The following BAZ1B variants were observed in gnomAD, a reference collection of about 807,000 sequenced individuals.
The protein encoded by BAZ1B is bromodomain adjacent to zinc finger domain 1B.
In BAZ1B, 22 loss-of-function variants were observed where a neutral mutation model predicts 153.8. The ratio of observed to expected loss-of-function variants is 0.14; its 90% CI spans 0.10 to 0.20. The LOEUF (loss-of-function observed/expected upper bound fraction) is 0.20, where lower values mean the gene tolerates loss of function less well. Among genes scored for constraint, BAZ1B ranks in the 10% least tolerant of loss-of-function variants. The pLI is 1.00. For missense variants in BAZ1B, 1,325 were observed against 1,799.3 expected (o/e 0.74, Z 4.77); for synonymous variants, 676 against 633.4 (o/e 1.07, Z -1.01).
rs782410311 is a variant in BAZ1B at position 73,477,698 on chromosome 7, T to C, written c.1763A>G (p.Lys588Arg). ...KRYEDQELTGKNLPAFRLVDT... is the reference protein window; with the variant it reads ...KRYEDQELTGRNLPAFRLVDT... ...CACCAATCTGAATGCTGGAAGGTTT[T>C]TGCCAGTTAACTCTTGGTCCTCATA... The change falls in exon 7 of 20, where the codon AAA (lysine) becomes AGA (arginine). Residue 588 changes from lysine to arginine, a missense_variant. Lys to Arg is a conservative substitution (Grantham distance 26). Around this residue, in one of 9 missense-constraint regions of BAZ1B, gnomAD observed 154 missense variants for 266.3 expected, o/e 0.58. Coordinates refer to ENST00000339594, the MANE Select transcript of BAZ1B (RefSeq NM_032408.4). This position sits in a 1 kb window ranked among gnomAD's most constrained non-coding sequence, Gnocchi z 5.6. 5.0e-6 allele frequency: 8 copies of C among 1,614,242 alleles called. No individual in the cohort carries two copies. The Admixed American group carries it at 5.0e-5, about 10-fold the overall frequency.
At chr7:73,514,541 A>C (rs1790714674) in intron 1 of BAZ1B, among the ~76,000 whole-genome samples, 1 of 152,012 alleles carries the variant, frequency 6.6e-6, no homozygotes, top group Non-Finnish European at 1.5e-5. Context: ...CTCAAAAAAA[A>C]AAAAAAAAAC....
chr7:73,497,678 TGA>T (rs1280333485), intron 4 of BAZ1B, among the ~76,000 whole-genome samples: 6 of 151,878 alleles, frequency 4.0e-5, no homozygotes, highest in Non-Finnish European at 8.8e-5. Flanking sequence ...GAAAAAATAT[TGA>T]GAGATGGGTT....
rs782266254 is a variant in BAZ1B, at chr7:73,478,498, G to A, written c.963C>T (p.Ser321=). Residue 321 remains serine, a synonymous_variant, in exon 7 of 20, where the codon TCC becomes TCT. Transcript: ENST00000339594. The part of the protein sequence containing the change: ...GSPDRKPSKK[S]KTDNSSLSSP... ...AACTAAGAGAAGAGTTGTCTGTCTT[G>A]GATTTCTTTGAGGGCTTCCTGTCTG... 2.5e-6 allele frequency: 4 copies of A among 1,601,524 alleles called. No homozygotes were observed. Among genetic ancestry groups the A allele is most frequent in the Admixed American group, 1.7e-5 (1 of 57,510 alleles).
intron 4 of BAZ1B, among the ~76,000 whole-genome samples, chr7:73,495,009 C>T (rs1431896068): frequency 2.6e-5 from 4 of 152,154 alleles, no homozygotes; most frequent in Non-Finnish European, 4.4e-5. Flanking sequence ...AGGGGCCAGG[C>T]GTGGTGACTC....
At chr7:73,509,630 A>T (rs2116453065) in intron 2 of BAZ1B, among the ~76,000 whole-genome samples, 1 of 151,564 alleles carries the variant, frequency 6.6e-6, no homozygotes, top group South Asian at 2.1e-4. Context: ...CTGAGGCAAG[A>T]GGCTGGCTTG....
chr7:73,497,965 G>A (rs1554576592), intron 4 of BAZ1B, among the ~76,000 whole-genome samples: 2 of 149,504 alleles, frequency 1.3e-5, no homozygotes, highest in African/African-American at 2.5e-5. Flanking sequence ...TTTTTTTTGA[G>A]ATGGAGTTTT....
At chr7:73,484,312 TAGACAGACAGAC>T (rs1158399182) in intron 6 of BAZ1B, among the ~76,000 whole-genome samples, 127 of 149,256 alleles carry the variant, frequency 8.5e-4, no homozygotes, top group African/African-American at 2.6e-3. Flanking sequence ...GATAGATAGA[TAGACAGACAGAC>T]AGACAGACAG....
At chr7:73,518,274 G>A (rs1434067114) in intron 1 of BAZ1B, among the ~76,000 whole-genome samples, 8 of 151,302 alleles carry the variant, frequency 5.3e-5, no homozygotes, top group East Asian at 1.9e-4. Flanking sequence ...TTAGCCAGGC[G>A]TGGTGGCGGG....
At position 73,489,249 on chromosome 7, in the gene BAZ1B, A is replaced by G. The variant is rs1554575008; in HGVS notation, c.836T>C (p.Val279Ala). ...NAPWVVEDELVKKYSLPSKFS... is the reference protein window; with the variant it reads ...NAPWVVEDELAKKYSLPSKFS... ...CTTGCTGGGCAGAGAGTATTTCTTC[A>G]CCAATTCATCTTCTACGACCCAAGG... is the stretch of plus-strand genomic sequence containing the variant. The change falls in exon 6 of 20, where the codon GTG becomes GCG. Residue 279 changes from valine (V) to alanine (A), a missense_variant. Val to Ala is a moderately conservative substitution (Grantham distance 64). Around this residue, in one of 9 missense-constraint regions of BAZ1B, gnomAD observed 219 missense variants for 248.2 expected, o/e 0.88. Coordinates refer to ENST00000339594, the MANE Select transcript of BAZ1B (RefSeq NM_032408.4). 1 of 1,614,178 alleles carries G rather than the reference A, an allele frequency of 6.2e-7. No individual in the cohort carries two copies. Among genetic ancestry groups the G allele is most frequent in the Non-Finnish European group, 8.5e-7 (1 of 1,180,042 alleles).
intron 7 of BAZ1B, among the ~76,000 whole-genome samples, chr7:73,471,383 G>A (rs1788797458): frequency 6.6e-6 from 1 of 152,018 alleles, no homozygotes; most frequent in African/African-American, 2.4e-5. Context: ...TCATTAATTA[G>A]GTTTATTCAG....
chr7:73,504,086 T>C (rs1790237924), intron 3 of BAZ1B, among the ~76,000 whole-genome samples: 1 of 152,246 alleles, frequency 6.6e-6, no homozygotes, highest in Admixed American at 6.5e-5. Flanking sequence ...GCACTCAACC[T>C]TTCCTTGTTA....
chr7:73,464,379 C>A (rs1554570871), intron 11 of BAZ1B, among the ~76,000 whole-genome samples: 1 of 152,152 alleles, frequency 6.6e-6, no homozygotes, highest in Non-Finnish European at 1.5e-5. Flanking sequence ...TGAAATTCAC[C>A]AACTTGAAGC....
At chr7:73,484,093 C>G (rs190521062) in intron 6 of BAZ1B, among the ~76,000 whole-genome samples, 1 of 152,220 alleles carries the variant, frequency 6.6e-6, no homozygotes, top group East Asian at 1.9e-4. Context: ...TGGTGAAACC[C>G]CATGTCTACC....
At chr7:73,449,408 TA>T in intron 15 of BAZ1B, 133 bp downstream of exon 15, 1 of 1,093,876 alleles carries the variant, frequency 9.1e-7, no homozygotes, top group Non-Finnish European at 1.2e-6. Flanking sequence ...TGAAGTACTG[TA>T]AATGATCAGG....
chr7:73,478,240 T>C lies in BAZ1B; in HGVS notation c.1221A>G (p.Arg407=), dbSNP rs782231214. 6.2e-7 allele frequency: 1 copy of C among 1,614,222 alleles called. No homozygotes were observed. The highest frequency in any genetic ancestry group is 1.3e-5 in the African/African-American group (1 of 75,062). The change falls in exon 7 of 20, where the codon AGA becomes AGG. Residue 407 remains arginine (R), a synonymous_variant. Coordinates refer to ENST00000339594, the MANE Select transcript of BAZ1B (RefSeq NM_032408.4). ...TCTGTCCATTCAGGATGCCTTTGCT[T>C]CTGCCCTTTGCCTTCAAAGGCTTGT... ...HSDKPLKAKG[R]SKGILNGQKS...
intron 12 of BAZ1B, among the ~76,000 whole-genome samples, chr7:73,460,358 C>T (rs1554570187): frequency 6.6e-6 from 1 of 152,090 alleles, no homozygotes; most frequent in African/African-American, 2.4e-5. Context: ...AACGCAAAGA[C>T]ACACTAAGAA....
At chr7:73,453,604 G>A (rs1331874851) in intron 13 of BAZ1B, among the ~76,000 whole-genome samples, 1 of 152,216 alleles carries the variant, frequency 6.6e-6, no homozygotes, top group Non-Finnish European at 1.5e-5. Context: ...TAAGCCTAAT[G>A]AGAAGAGATT....
intron 5 of BAZ1B, among the ~76,000 whole-genome samples, chr7:73,489,704 A>C (rs1396008505): frequency 6.6e-6 from 1 of 152,156 alleles, no homozygotes; most frequent in Non-Finnish European, 1.5e-5. Flanking sequence ...GAAGCAGGGG[A>C]ATTACTTGAA....
intron 12 of BAZ1B, among the ~76,000 whole-genome samples, chr7:73,460,194 A>G (rs811328): frequency 1.4e-4 from 18 of 125,606 alleles, no homozygotes; most frequent in African/African-American, 5.3e-4. Flanking sequence ...GTCTCAGGGA[A>G]AAAAAAAAAA....
Sources: allele counts gnomAD v4.1 joint callset (sites outside exome capture counted in the v4.1 genomes callset), GRCh38; gene constraint gnomAD v4.1.1; regional missense constraint gnomAD v4.1.1; non-coding constraint Gnocchi (gnomAD v3.1); transcripts MANE v1.5; gene names NCBI Gene and HGNC (gene_info 2026-07-23, HGNC 2026-07-21).